The following PCDHGA4 variants were observed in gnomAD, a reference collection of about 807,000 sequenced individuals.
The protein encoded by PCDHGA4 is protocadherin gamma subfamily A, 4, also known as protocadherin gamma-A4.
A neutral mutation model predicts 54.6 loss-of-function variants in PCDHGA4; 38 were observed. The ratio of observed to expected loss-of-function variants is 0.70; its 90% confidence interval spans 0.54 to 0.91. The LOEUF is 0.91. Among genes scored for constraint, PCDHGA4 ranks in the 40% least tolerant of loss-of-function variants. PCDHGA4 has a pLI of 0.00. For synonymous variants in PCDHGA4, 511 were observed against 512.9 expected, an observed-to-expected ratio of 1.00 and a Z score of 0.05; for missense variants, 1,298 against 1,220.9, an observed-to-expected ratio of 1.06 and a Z score of -0.94.
chr5:141,379,295 G>A (rs928710321), intron 1 of PCDHGA4: 3 of 152,044 alleles, frequency 2.0e-5, no homozygotes, highest in African/African-American at 7.2e-5. Context: ...AGTTTCCAAA[G>A]GTATATACCT....
chr5:141,399,405 G>A (rs768053678), intron 1 of PCDHGA4: 1 of 1,613,974 alleles, frequency 6.2e-7, no homozygotes, highest in Admixed American at 1.7e-5. Flanking sequence ...GGGGCAAGCC[G>A]CCCCTCTCCT....
chr5:141,398,675 A>G (rs1462726875), intron 1 of PCDHGA4: 10 of 1,613,974 alleles, frequency 6.2e-6, no homozygotes, highest in East Asian at 2.2e-5. Context: ...TTAATAATTA[A>G]GGAGAAACAG....
Position 141,485,890 on chromosome 5 carries a change from C to G in PCDHGA4, c.2515-8917C>G. 4 of 1,614,156 alleles carry G rather than the reference C, an allele frequency of 2.5e-6. No individual in the cohort carries two copies. Among genetic ancestry groups the G allele is most frequent in the Non-Finnish European group, 2.5e-6 (3 of 1,180,022 alleles). The stretch of plus-strand genomic sequence containing the variant: ...CCGTGCTGGACGTAAACGACAACGC[C>G]CCAGCCTTCCAGCAATCCAGCTACA... On this transcript the variant is annotated intron_variant, in intron 1 of 3. Coordinates refer to ENST00000571252, the MANE Select transcript of PCDHGA4 (RefSeq NM_018917.4). The surrounding 1 kb of genome is among the most constrained non-coding windows in gnomAD (Gnocchi z 5.7).
At chr5:141,383,956 A>G (rs1279675225) in intron 1 of PCDHGA4, 3 of 1,613,670 alleles carry the variant, frequency 1.9e-6, no homozygotes, top group Non-Finnish European at 2.5e-6. Context: ...GACGTCTTTA[A>G]GTAGCTCAAT....
At chr5:141,441,793 C>T (rs961624726) in intron 1 of PCDHGA4, 7 of 391,390 alleles carry the variant, frequency 1.8e-5, no homozygotes, top group Non-Finnish European at 3.6e-5. Flanking sequence ...AATGACAACG[C>T]ACCGCGGGTG....
intron 1 of PCDHGA4, among the ~76,000 whole-genome samples, chr5:141,449,677 A>G (rs543079734): frequency 6.3e-4 from 96 of 151,362 alleles, no homozygotes; most frequent in Non-Finnish European, 1.1e-3. Flanking sequence ...GTGTATGTAT[A>G]TATGTTTGTG....
At chr5:141,383,303 C>T (rs1445366017) in intron 1 of PCDHGA4, 4 of 1,613,892 alleles carry the variant, frequency 2.5e-6, no homozygotes. Flanking sequence ...AGATTCTTGA[C>T]GGAAGAAATA....
intron 1 of PCDHGA4, chr5:141,475,934 G>C (rs754356530): frequency 3.0e-6 from 2 of 665,118 alleles, no homozygotes; most frequent in Non-Finnish European, 5.0e-6. Context: ...TCGGGCCCCT[G>C]CCCGTCCCCT....
intron 1 of PCDHGA4, chr5:141,413,167 C>G: frequency 6.3e-7 from 1 of 1,590,828 alleles, no homozygotes; most frequent in Non-Finnish European, 8.6e-7. Context: ...ATTCTGTAAC[C>G]AGACTACAAT....
At chr5:141,410,762 T>C in intron 1 of PCDHGA4, 1 of 1,171,656 alleles carries the variant, frequency 8.5e-7, no homozygotes, top group Non-Finnish European at 1.2e-6. Flanking sequence ...GTTTTTTCAA[T>C]TATAGTTTTC....
intron 1 of PCDHGA4, chr5:141,375,778 C>T (rs772854971): frequency 1.9e-6 from 3 of 1,614,242 alleles, no homozygotes; most frequent in South Asian, 2.2e-5. Flanking sequence ...TCCTGTACCC[C>T]GCCCTCCCCA....
intron 1 of PCDHGA4, among the ~76,000 whole-genome samples, chr5:141,420,650 A>G (rs2096512866): frequency 6.6e-6 from 1 of 152,244 alleles, no homozygotes; most frequent in Non-Finnish European, 1.5e-5. Context: ...TGTAAGAATT[A>G]TAGTTAGGCA....
chr5:141,417,038 T>TTA (rs1491140470), intron 1 of PCDHGA4: 1 of 145,854 alleles, frequency 6.9e-6, no homozygotes, highest in Non-Finnish European at 1.5e-5. Context: ...GTTTTTTTTT[T>TTA]AAAAAAAACT....
chr5:141,468,222 G>A lies in PCDHGA4; in HGVS notation c.2515-26585G>A, dbSNP rs560663102. 2.6e-3 allele frequency among the ~76,000 whole-genome samples: 401 copies of A among 151,572 alleles called. 2 individuals are homozygous for A. Among genetic ancestry groups the A allele is most frequent in the South Asian group, 0.02 (97 of 4,782 alleles). ...TGCCTGTAATTCCAGCTACTTGGGA[G>A]GATGAGGTAGGAGAATTGCCTGAAC... On this transcript the variant is annotated intron_variant, in intron 1 of 3. Coordinates refer to ENST00000571252, the MANE Select transcript of PCDHGA4 (RefSeq NM_018917.4).
chr5:141,390,152 TAC>T, intron 1 of PCDHGA4: 2 of 1,614,054 alleles, frequency 1.2e-6, no homozygotes, highest in Non-Finnish European at 1.7e-6. Flanking sequence ...GTGTTGCACA[TAC>T]AGGAAAGACG....
chr5:141,423,170 A>T (rs755141371), intron 1 of PCDHGA4: 1 of 1,613,504 alleles, frequency 6.2e-7, no homozygotes, highest in South Asian at 1.1e-5. Flanking sequence ...GTGGCCGTCC[A>T]GGACCACGGC....
intron 1 of PCDHGA4, chr5:141,365,182 A>G: frequency 6.2e-7 from 1 of 1,613,876 alleles, no homozygotes; most frequent in East Asian, 2.2e-5. Context: ...TTCGCAATGA[A>G]GAAGAAAAAA....
At chr5:141,492,778 G>A (rs2099743821) in intron 1 of PCDHGA4, among the ~76,000 whole-genome samples, 1 of 152,250 alleles carries the variant, frequency 6.6e-6, no homozygotes, top group South Asian at 2.1e-4. Context: ...GAGTGAGTGA[G>A]CCTCTATAGG....
intron 1 of PCDHGA4, among the ~76,000 whole-genome samples, chr5:141,457,187 G>A (rs1314148733): frequency 1.3e-5 from 2 of 152,210 alleles, no homozygotes; most frequent in Admixed American, 1.3e-4. Flanking sequence ...ATAGTAGAGT[G>A]AGGAAAGCAG....
Sources: allele counts gnomAD v4.1 joint callset (sites outside exome capture counted in the v4.1 genomes callset), GRCh38; gene constraint gnomAD v4.1.1; non-coding constraint Gnocchi (gnomAD v3.1); transcripts MANE v1.5; gene names NCBI Gene and HGNC (gene_info 2026-07-23, HGNC 2026-07-21).